Variants in ZNF208 observed in about 807,000 individuals in gnomAD.
ZNF208 encodes zinc finger protein 208.
ZNF208 carries 10 observed loss-of-function variants against 12.1 expected under a neutral mutation model. That is an observed-to-expected ratio of 0.83 (90% CI 0.51 to 1.40). ZNF208 has a LOEUF of 1.40. ZNF208 is among the 40% of genes most tolerant of loss of function. The pLI, the probability that ZNF208 is intolerant of heterozygous loss-of-function variation, is 0.00. For synonymous variants in ZNF208, 497 were observed against 488.4 expected (o/e 1.02, Z -0.23); for missense variants, 1,652 against 1,485.0 (o/e 1.11, Z -1.85).
chr19:21,977,532 C>T (rs561222806), intron 3 of ZNF208, among the ~76,000 whole-genome samples: 60 of 152,296 alleles, frequency 3.9e-4, no homozygotes, highest in Middle Eastern at 3.4e-3. Flanking sequence ...CATGAAGAAC[C>T]GTGCTCTCCA....
In ZNF208 at chr19:21,974,230, T is replaced by G; in HGVS notation, c.804A>C (p.Gln268His). 1 of 1,609,496 alleles carries G rather than the reference T, an allele frequency of 6.2e-7. No individual in the cohort carries two copies. The highest frequency in any genetic ancestry group is 8.5e-7 in the Non-Finnish European group (1 of 1,177,922). ...KCEECGKAFN[Q>H]SAILTKHKII... ...TCTTATGTTTAGTAAGGATTGCAGA[T>G]TGGTTAAAAGCCTTGCCACATTCTT... Residue 268 changes from glutamine to histidine, a missense_variant, in exon 4 of 4, where the codon CAA (glutamine) becomes CAC (histidine). Gln to His is a conservative substitution (Grantham distance 24). Coordinates refer to ENST00000397126, the MANE Select transcript of ZNF208 (RefSeq NM_007153.3).
At chr19:22,005,642 C>T (rs1457592200) in intron 1 of ZNF208, among the ~76,000 whole-genome samples, 1 of 152,198 alleles carries the variant, frequency 6.6e-6, no homozygotes, top group Admixed American at 6.5e-5. Flanking sequence ...CTCATCTATG[C>T]TTCTGACCTA....
intron 1 of ZNF208, chr19:21,991,625 A>G (rs1970736132): frequency 6.6e-6 from 1 of 151,908 alleles, no homozygotes; most frequent in African/African-American, 2.4e-5. Context: ...CTGTAATCCT[A>G]GCTACTCAGG....
intron 1 of ZNF208, among the ~76,000 whole-genome samples, chr19:22,007,792 A>T (rs1464900725): frequency 6.6e-6 from 1 of 151,160 alleles, no homozygotes; most frequent in Non-Finnish European, 1.5e-5. Flanking sequence ...TTGAGGTCAG[A>T]ATTTTGAGCT....
At chr19:21,961,536 A>G (rs900560883), downstream of ZNF208, among the ~76,000 whole-genome samples, 8 of 152,062 alleles carry the variant, frequency 5.3e-5, no homozygotes, top group African/African-American at 1.9e-4. Context: ...AACCAGTCTG[A>G]CCACAAATTC....
At chr19:21,945,637 A>G (rs1164785130) in intron 4 of ZNF208, among the ~76,000 whole-genome samples, 4 of 152,238 alleles carry the variant, frequency 2.6e-5, no homozygotes. Context: ...AAATACATAT[A>G]TCAAATTTAA....
At chr19:21,999,497 G>C (rs984678597) in intron 1 of ZNF208, among the ~76,000 whole-genome samples, 1 of 152,128 alleles carries the variant, frequency 6.6e-6, no homozygotes, top group East Asian at 1.9e-4. Context: ...ATGTCAGCCA[G>C]CAAATAATCA....
At chr19:22,010,207 A>G (rs1422774829) in intron 1 of ZNF208, among the ~76,000 whole-genome samples, 1 of 151,914 alleles carries the variant, frequency 6.6e-6, no homozygotes, top group Non-Finnish European at 1.5e-5. Flanking sequence ...AATAAATAAA[A>G]CAAAACAAGA....
chr19:21,972,265 G>C lies in ZNF208; in HGVS notation c.2769C>G (p.Gly923=), dbSNP rs773607034. 2.9e-5 allele frequency: 47 copies of C among 1,613,584 alleles called. No individual in the cohort carries two copies. Among genetic ancestry groups the C allele is most frequent in the Non-Finnish European group, 3.5e-5 (41 of 1,179,932 alleles). Residue 923 remains glycine, a synonymous_variant, in exon 4 of 4, where the codon GGC becomes GGG. Transcript: ENST00000397126. ...GEKPYKCEEC[G]KAFSWLSVFS... Reference sequence around the variant, plus strand: ...AGACTGACAACCAGCTGAAGGCTTTGCCACATTCTTCACATTTGTAGGGTT... The same window carrying C: ...AGACTGACAACCAGCTGAAGGCTTTCCCACATTCTTCACATTTGTAGGGTT...
downstream of ZNF208, among the ~76,000 whole-genome samples, chr19:21,961,247 G>A (rs954623648): frequency 2.0e-5 from 3 of 152,156 alleles, no homozygotes; most frequent in Non-Finnish European, 4.4e-5. Context: ...CGGTAGGACT[G>A]TGATGCCCAC....
intron 4 of ZNF208, chr19:21,940,887 G>T (rs1302155320): frequency 1.3e-5 from 2 of 154,092 alleles, no homozygotes; most frequent in South Asian, 1.9e-4. Flanking sequence ...TGTGGGAAAT[G>T]CTCTGGTTGA....
intron 1 of ZNF208, among the ~76,000 whole-genome samples, chr19:21,997,478 A>G (rs1411279928): frequency 2.7e-5 from 4 of 150,676 alleles, no homozygotes; most frequent in African/African-American, 9.8e-5. Context: ...ATAGCTCTCT[A>G]CTCCCTGAGC....
chr19:21,960,279 T>C (rs1430689941), intron 4 of ZNF208, among the ~76,000 whole-genome samples: 1 of 152,110 alleles, frequency 6.6e-6, no homozygotes. Context: ...AAAAACTTTA[T>C]TGTTTCAATC....
intron 4 of ZNF208, among the ~76,000 whole-genome samples, chr19:21,953,862 C>A (rs1165001463): frequency 6.6e-6 from 1 of 152,092 alleles, no homozygotes; most frequent in Admixed American, 6.6e-5. Flanking sequence ...TTAGTTATTT[C>A]TTGCCTTCTG....
At chr19:22,002,387 A>T (rs1970969265) in intron 1 of ZNF208, among the ~76,000 whole-genome samples, 1 of 152,186 alleles carries the variant, frequency 6.6e-6, no homozygotes, top group Admixed American at 6.5e-5. Flanking sequence ...ATCCAAACAT[A>T]AAGAGAGGAA....
At chr19:21,954,013 C>T (rs1038884144) in intron 4 of ZNF208, among the ~76,000 whole-genome samples, 1 of 152,040 alleles carries the variant, frequency 6.6e-6, no homozygotes. Flanking sequence ...AAAATGTGTC[C>T]CAGAGATTCT....
intron 1 of ZNF208, among the ~76,000 whole-genome samples, chr19:21,990,344 C>G (rs996783952): frequency 1.3e-5 from 2 of 152,178 alleles, no homozygotes; most frequent in Non-Finnish European, 2.9e-5. Flanking sequence ...ATAAGGAATC[C>G]TTTCCCCATT....
At position 21,974,462 on chromosome 19, in the gene ZNF208, T is replaced by C. The variant is rs1970387696; in HGVS notation, c.572A>G (p.His191Arg). ...SFCMLSHLSQ[H>R]KRIYTRENSY... is the part of the protein sequence containing the mutation. ...ATTCTCTCTAGTATAAATTCTTTTATGTTGAGATAGGTGTGAAAGCATGCA... is the reference window on the plus strand; with the variant it reads ...ATTCTCTCTAGTATAAATTCTTTTACGTTGAGATAGGTGTGAAAGCATGCA... The change falls in exon 4 of 4, where the codon CAT becomes CGT. Residue 191 changes from histidine (H) to arginine (R), a missense_variant. By Grantham distance (29) the His-to-Arg change is conservative. Transcript: ENST00000397126. The C allele has an allele frequency of 6.2e-7, 1 of 1,613,770 alleles. No homozygotes were observed. The highest frequency in any genetic ancestry group is 8.5e-7 in the Non-Finnish European group (1 of 1,179,768).
chr19:21,996,307 G>A (rs1315436457), intron 1 of ZNF208, among the ~76,000 whole-genome samples: 1 of 152,124 alleles, frequency 6.6e-6, no homozygotes, highest in Non-Finnish European at 1.5e-5. Flanking sequence ...TACAAAATTG[G>A]TTGTGAGAAA....
Sources: allele counts gnomAD v4.1 joint callset (sites outside exome capture counted in the v4.1 genomes callset), GRCh38; gene constraint gnomAD v4.1.1; transcripts MANE v1.5; gene names NCBI Gene and HGNC (gene_info 2026-07-23, HGNC 2026-07-21).